Variants in SBNO1 observed in about 807,000 individuals in gnomAD.
The protein encoded by SBNO1 is strawberry notch homolog 1, also known as protein strawberry notch homolog 1.
SBNO1 carries 23 observed loss-of-function variants against 173.6 expected under a neutral mutation model. That is an observed-to-expected ratio of 0.13 (90% CI 0.10 to 0.19). SBNO1 has a LOEUF of 0.19. SBNO1 is among the 10% of genes least tolerant of loss of function. The pLI is 1.00. For missense variants in SBNO1, 1,238 were observed against 1,671.2 expected (o/e 0.74, Z 4.52); for synonymous variants, 632 against 571.5 (o/e 1.11, Z -1.51).
At chr12:123,354,808 T>C (rs1874250608) in intron 1 of SBNO1, among the ~76,000 whole-genome samples, 1 of 152,180 alleles carries the variant, frequency 6.6e-6, no homozygotes, top group African/African-American at 2.4e-5. Context: ...ACATTTACCA[T>C]GGAGCAGTCT....
chr12:123,297,602 A>C (rs1358607289), intron 31 of SBNO1, among the ~76,000 whole-genome samples: 1 of 151,984 alleles, frequency 6.6e-6, no homozygotes, highest in Non-Finnish European at 1.5e-5. Context: ...CCTGCAGGAC[A>C]CCAAGCCATT....
intron 20 of SBNO1, among the ~76,000 whole-genome samples, chr12:123,319,006 CAG>C (rs1189953801): frequency 3.6e-4 from 55 of 151,098 alleles, no homozygotes; most frequent in Admixed American, 3.0e-3. Context: ...CTCTGCTGCC[CAG>C]GTGGAAATGC....
intron 4 of SBNO1, among the ~76,000 whole-genome samples, chr12:123,343,599 C>A (rs775310896): frequency 2.3e-4 from 33 of 145,416 alleles, no homozygotes; most frequent in Non-Finnish European, 4.3e-4. Context: ...AGTGCAGTGG[C>A]GCCATCTCAG....
chr12:123,300,979 A>C (rs113707571), intron 30 of SBNO1, among the ~76,000 whole-genome samples: 11,080 of 137,928 alleles, frequency 0.08, 445 homozygotes, highest in South Asian at 0.12. Flanking sequence ...ACAAAAAAAA[A>C]CAAAAAAAAA....
At chr12:123,342,345 G>A (rs948289088) in intron 4 of SBNO1, among the ~76,000 whole-genome samples, 4 of 152,064 alleles carry the variant, frequency 2.6e-5, no homozygotes, top group Admixed American at 1.3e-4. Context: ...CAGCTACTAG[G>A]GAGGCTGAGG....
chr12:123,360,017 G>A (rs919272777), intron 1 of SBNO1, among the ~76,000 whole-genome samples: 2 of 151,978 alleles, frequency 1.3e-5, no homozygotes, highest in African/African-American at 4.8e-5. Context: ...AAGCCGGTTG[G>A]TCACCTGAGG....
At chr12:123,339,658 G>T (rs1872295089) in intron 5 of SBNO1, among the ~76,000 whole-genome samples, 1 of 151,938 alleles carries the variant, frequency 6.6e-6, no homozygotes, top group Non-Finnish European at 1.5e-5. Context: ...CTGGTGGTGG[G>T]CACCTGTAAT....
Position 123,336,509 on chromosome 12 carries a change from C to A in SBNO1, c.652-18G>T. 6.5e-7 allele frequency: 1 copy of A among 1,532,120 alleles called. No homozygotes were observed. Among genetic ancestry groups the A allele is most frequent in the East Asian group, 2.3e-5 (1 of 44,178 alleles). The allele number at this position is 1,532,120 out of a possible 1,614,324, so 94.9% of individuals were successfully genotyped here. A position where few individuals can be genotyped will look rare whatever the true frequency, so the allele number is the denominator to read the frequency against. On this transcript the variant is annotated intron_variant, in intron 5 of 31. Transcript: ENST00000602398. ...GGAACCTTCTGCAACACAGAAAGAG[C>A]ACAATCAATCCCAAATCCAGGGACC...
chr12:123,310,236 T>G (rs973221303), intron 25 of SBNO1, among the ~76,000 whole-genome samples: 3 of 152,206 alleles, frequency 2.0e-5, no homozygotes, highest in Non-Finnish European at 4.4e-5. Context: ...TTTTTCGTTT[T>G]GTTTTGTTTC....
intron 6 of SBNO1, among the ~76,000 whole-genome samples, chr12:123,335,936 G>A (rs1185356740): frequency 6.6e-6 from 1 of 152,034 alleles, no homozygotes; most frequent in Non-Finnish European, 1.5e-5. Flanking sequence ...TATTATTAGT[G>A]GTTTTTTATA....
chr12:123,361,510 T>C (rs1027835760), intron 1 of SBNO1, among the ~76,000 whole-genome samples: 6 of 151,938 alleles, frequency 3.9e-5, no homozygotes, highest in African/African-American at 1.5e-4. Context: ...ATCGCGCCAT[T>C]GCACTCCAGC....
At chr12:123,346,694 T>TA (rs1210240101) in intron 3 of SBNO1, among the ~76,000 whole-genome samples, 1 of 150,974 alleles carries the variant, frequency 6.6e-6, no homozygotes, top group Admixed American at 6.6e-5. Flanking sequence ...ATAAAAATAA[T>TA]AAAGTCTACT....
At chr12:123,324,446 C>T (rs889551297) in intron 15 of SBNO1, among the ~76,000 whole-genome samples, 3 of 151,818 alleles carry the variant, frequency 2.0e-5, no homozygotes, top group African/African-American at 4.8e-5. Context: ...CTCAGCCTCT[C>T]CAGTAGCTGG....
At chr12:123,349,368 C>T (rs1327247889) in intron 2 of SBNO1, among the ~76,000 whole-genome samples, 2 of 152,090 alleles carry the variant, frequency 1.3e-5, no homozygotes, top group African/African-American at 2.4e-5. Flanking sequence ...TCCCTAAGTG[C>T]TGGGATTACT....
In SBNO1 at chr12:123,321,581, G is replaced by A. The variant is rs147687468; in HGVS notation, c.2277C>T (p.Asp759=). ...ACTCATCTAAAAATGGGTTGAAATC[G>A]TCATCATCTCCAGAACTCATGTTTT... The part of the protein sequence containing the change: ...SSKNMSSGDD[D]DFNPFLDESN... Residue 759 remains aspartate, a synonymous_variant, in exon 17 of 32, where the codon GAC becomes GAT. Transcript: ENST00000602398. 45 of 1,613,686 alleles carry A rather than the reference G, an allele frequency of 2.8e-5. No individual in the cohort carries two copies. Among genetic ancestry groups the A allele is most frequent in the Non-Finnish European group, 3.4e-5 (40 of 1,179,848 alleles).
At chr12:123,336,233 G>T (rs7972811) in intron 6 of SBNO1, among the ~76,000 whole-genome samples, 162 bp downstream of exon 6, 135,360 of 152,102 alleles carry the variant, frequency 0.89, 60,349 homozygotes, top group Middle Eastern at 0.95. Context: ...CTACTCCTAT[G>T]AACAAAATTA....
In SBNO1 at chr12:123,317,885, C is replaced by T. The variant is rs1218084440; in HGVS notation, c.2800-529G>A. Among the ~76,000 whole-genome samples, 4 of 152,152 alleles carry T rather than the reference C, an allele frequency of 2.6e-5. No individual in the cohort carries two copies. The South Asian group carries it at 8.3e-4, about 31-fold the overall frequency. ...TAATGTAATTCCTAATGCATATGGG[C>T]CTAGATTCATGAAGCAATTATATAA... On this transcript the variant is annotated intron_variant, in intron 20 of 31. Coordinates refer to ENST00000602398, the MANE Select transcript of SBNO1 (RefSeq NM_001167856.3).
At chr12:123,352,829 G>A (rs1874041168) in intron 1 of SBNO1, among the ~76,000 whole-genome samples, 1 of 151,728 alleles carries the variant, frequency 6.6e-6, no homozygotes, top group Admixed American at 6.6e-5. Context: ...ACGGAGTCTA[G>A]CTCTGTCACC....
chr12:123,359,852 C>T (rs1167871107), intron 1 of SBNO1, among the ~76,000 whole-genome samples: 2 of 152,140 alleles, frequency 1.3e-5, no homozygotes, highest in Non-Finnish European at 2.9e-5. Flanking sequence ...ATCTGTCAAT[C>T]AGCATATAAA....
Sources: gnomAD v4.1 joint callset for allele counts (sites outside exome capture counted in the v4.1 genomes callset) on GRCh38, gnomAD v4.1.1 for gene constraint, MANE v1.5 for transcripts, NCBI Gene and HGNC (gene_info 2026-07-23, HGNC 2026-07-21) for gene names.